ATP8B1: variants seen among roughly 807,000 people sequenced by gnomAD.
ATP8B1 encodes the protein ATPase phospholipid transporting 8B1, also known as phospholipid-transporting ATPase IC.
In ATP8B1, 80 loss-of-function variants were observed where a neutral mutation model predicts 149.9. The observed-to-expected ratio is 0.53, with a 90% CI of 0.45 to 0.64. The LOEUF is 0.64. Ranked by LOEUF, ATP8B1 falls within the 30% of genes least tolerant of loss-of-function variation. The pLI, the probability that ATP8B1 is intolerant of heterozygous loss-of-function variation, is 0.00. For synonymous variants in ATP8B1, 536 were observed against 562.8 expected (o/e 0.95, Z 0.67); for missense variants, 1,247 against 1,552.6 (o/e 0.80, Z 3.31).
At chr18:57,704,326 T>C (rs1025843895) in intron 4 of ATP8B1, among the ~76,000 whole-genome samples, 1 of 152,222 alleles carries the variant, frequency 6.6e-6, no homozygotes, top group Admixed American at 6.5e-5. Context: ...CAGTATAACA[T>C]GAAATTTTTT....
intron 17 of ATP8B1, 46 bp downstream of exon 17, chr18:57,671,422 G>GA: frequency 6.9e-7 from 1 of 1,446,888 alleles, no homozygotes; most frequent in Non-Finnish European, 9.7e-7. Flanking sequence ...CAGCATCAGA[G>GA]AGTAAGTTCA....
At chr18:57,730,145 G>A (rs925788515) in intron 2 of ATP8B1, among the ~76,000 whole-genome samples, 1 of 151,708 alleles carries the variant, frequency 6.6e-6, no homozygotes, top group African/African-American at 2.4e-5. Flanking sequence ...TTGCAGAAAT[G>A]GGATTTCATG....
At chr18:57,700,996 T>C in intron 6 of ATP8B1, 43 bp downstream of exon 6, 1 of 1,530,466 alleles carries the variant, frequency 6.5e-7, no homozygotes, top group South Asian at 1.1e-5. Context: ...GGCAGAGTTA[T>C]GCATTACATC....
chr18:57,729,549 C>CTTTCTT (rs1341032294), intron 2 of ATP8B1, among the ~76,000 whole-genome samples: 4 of 120,742 alleles, frequency 3.3e-5, no homozygotes, highest in South Asian at 5.6e-4. Context: ...TTCTTTCTTT[C>CTTTCTT]TTTTTTTTTT....
intron 1 of ATP8B1, among the ~76,000 whole-genome samples, chr18:57,750,236 C>T (rs775032220): frequency 6.6e-6 from 1 of 151,890 alleles, no homozygotes; most frequent in Non-Finnish European, 1.5e-5. Flanking sequence ...GAGTGAGATT[C>T]CATCTCAAAA....
chr18:57,672,425 G>A (rs548718445), intron 16 of ATP8B1, among the ~76,000 whole-genome samples: 71 of 152,276 alleles, frequency 4.7e-4, no homozygotes, highest in African/African-American at 1.5e-3. Context: ...CACAGAAAGC[G>A]TTCAGTAAGT....
intron 2 of ATP8B1, among the ~76,000 whole-genome samples, chr18:57,728,789 G>C (rs1045139232): frequency 3.4e-5 from 5 of 146,594 alleles, no homozygotes; most frequent in African/African-American, 7.6e-5. Flanking sequence ...GTGGGATCTT[G>C]GTTCACTGCA....
intron 25 of ATP8B1, 92 bp downstream of exon 25, chr18:57,652,392 G>C: frequency 6.4e-7 from 1 of 1,553,230 alleles, no homozygotes; most frequent in Non-Finnish European, 8.9e-7. Context: ...CACAGGTGCA[G>C]TGGGAGTCAG....
intron 16 of ATP8B1, among the ~76,000 whole-genome samples, chr18:57,672,886 GTATATATATATATATATATA>G (rs1198919117): frequency 2.8e-4 from 4 of 14,072 alleles, no homozygotes; most frequent in African/African-American, 9.2e-4. Context: ...AAAAAAAAAA[GTATATATATATATATATATA>G]TATATATATA....
chr18:57,741,523 G>C (rs950129767), intron 1 of ATP8B1, among the ~76,000 whole-genome samples: 3 of 152,214 alleles, frequency 2.0e-5, no homozygotes, highest in Non-Finnish European at 2.9e-5. Flanking sequence ...CCTGCCTTCA[G>C]ATGAGACATC....
At chr18:57,719,283 C>G (rs557676008) in intron 2 of ATP8B1, among the ~76,000 whole-genome samples, 1 of 152,236 alleles carries the variant, frequency 6.6e-6, no homozygotes, top group African/African-American at 2.4e-5. Flanking sequence ...GGAACAGCTC[C>G]GGTCTACAGC....
chr18:57,653,575 C>A (rs925000219), intron 24 of ATP8B1, among the ~76,000 whole-genome samples: 2 of 152,016 alleles, frequency 1.3e-5, no homozygotes, highest in Non-Finnish European at 2.9e-5. Context: ...CATGATCCAC[C>A]ATGCCCTGCC....
chr18:57,734,258 C>T (rs1431002852), intron 1 of ATP8B1, among the ~76,000 whole-genome samples: 1 of 152,118 alleles, frequency 6.6e-6, no homozygotes, highest in Non-Finnish European at 1.5e-5. Context: ...GGTGCAATCT[C>T]GGCTCACTGC....
intron 16 of ATP8B1, among the ~76,000 whole-genome samples, chr18:57,674,306 C>T (rs1341067384): frequency 6.7e-6 from 1 of 148,856 alleles, no homozygotes; most frequent in Non-Finnish European, 1.5e-5. Flanking sequence ...ACGTCAGCAG[C>T]ATTTGCAAGA....
chr18:57,648,346 C>T lies in ATP8B1; in HGVS notation c.*142G>A, dbSNP rs906619318. 2.3e-5 allele frequency: 23 copies of T among 1,019,752 alleles called. No homozygotes were observed. Among genetic ancestry groups the T allele is most frequent in the Non-Finnish European group, 3.3e-5 (22 of 673,130 alleles). 63.2% of individuals were successfully genotyped at this position (1,019,752 alleles called of 1,614,324 possible). On this transcript the variant is annotated 3_prime_UTR_variant, in exon 28 of 28. Transcript: ENST00000648908. Reference sequence around the variant, plus strand: ...TCTGCTATTGTTTAATAGTCCAACCCAAGGAGTTTGTTATAAAGATTATTT... The same window carrying T: ...TCTGCTATTGTTTAATAGTCCAACCTAAGGAGTTTGTTATAAAGATTATTT...
intron 27 of ATP8B1, among the ~76,000 whole-genome samples, chr18:57,649,480 G>A (rs1858837754): frequency 1.3e-5 from 2 of 152,038 alleles, no homozygotes; most frequent in African/African-American, 4.8e-5. Context: ...TCTTTCCTGG[G>A]TTGTTACTGC....
chr18:57,653,535 C>T (rs1909777570), intron 24 of ATP8B1, among the ~76,000 whole-genome samples: 1 of 151,944 alleles, frequency 6.6e-6, no homozygotes, highest in African/African-American at 2.4e-5. Context: ...ATTTGCCTGC[C>T]TCAGCCTCCT....
At chr18:57,672,929 T>TATAA (rs1323911880) in intron 16 of ATP8B1, among the ~76,000 whole-genome samples, 1 of 20,962 alleles carries the variant, frequency 4.8e-5, no homozygotes, top group East Asian at 4.1e-3. Context: ...TATATATATA[T>TATAA]ATAACATGTA....
intron 4 of ATP8B1, 73 bp from the exon 5 acceptor site, chr18:57,701,386 C>G (rs752629179): frequency 8.0e-5 from 103 of 1,291,024 alleles, no homozygotes; most frequent in Non-Finnish European, 1.1e-4. Flanking sequence ...ATTGCTAATT[C>G]TAAGCTTGCT....
Sources: allele counts gnomAD v4.1 joint callset (sites outside exome capture counted in the v4.1 genomes callset), GRCh38; gene constraint gnomAD v4.1.1; transcripts MANE v1.5; gene names NCBI Gene and HGNC (gene_info 2026-07-23, HGNC 2026-07-21).